Variants in TLE4 observed in about 807,000 individuals in gnomAD.
TLE4 encodes transducin-like enhancer protein 4.
Under a neutral mutation model 92.8 loss-of-function variants are expected in TLE4, and 8 were observed. That is an observed-to-expected ratio of 0.09 (90% CI 0.05 to 0.16). The LOEUF is 0.16. Ranked by LOEUF, TLE4 falls within the 10% of genes least tolerant of loss-of-function variation. The pLI, the probability that TLE4 is intolerant of heterozygous loss-of-function variation, is 1.00. For missense variants in TLE4, 675 were observed against 997.6 expected (o/e 0.68, Z 4.36); for synonymous variants, 371 against 374.1 (o/e 0.99, Z 0.10).
intron 19 of TLE4, 95 bp downstream of exon 19, chr9:79,723,130 G>A: frequency 8.6e-7 from 1 of 1,165,132 alleles, no homozygotes; most frequent in South Asian, 1.3e-5. Flanking sequence ...GTCCTGGGAG[G>A]TCAGAGCTAG....
intron 1 of TLE4, 95 bp from the exon 2 acceptor site, chr9:79,573,594 C>T (rs1459064382): frequency 7.6e-6 from 8 of 1,059,580 alleles, no homozygotes; most frequent in Non-Finnish European, 9.4e-6. Context: ...GCGCGATGAC[C>T]CTCACCCCCC....
intron 14 of TLE4, among the ~76,000 whole-genome samples, chr9:79,716,200 A>G (rs76527933): frequency 6.6e-6 from 1 of 151,968 alleles, no homozygotes; most frequent in Admixed American, 6.5e-5. Flanking sequence ...CTTATATCCT[A>G]TATGCTCTCC....
chr9:79,592,182 C>CTT (rs879921317), intron 4 of TLE4, among the ~76,000 whole-genome samples: 72 of 123,748 alleles, frequency 5.8e-4, no homozygotes, highest in Middle Eastern at 4.0e-3. Flanking sequence ...TCTTCCTCTT[C>CTT]CTCTTCTTCT....
chr9:79,719,195 C>T (rs1357823020), intron 15 of TLE4, among the ~76,000 whole-genome samples: 1 of 152,114 alleles, frequency 6.6e-6, no homozygotes, highest in African/African-American at 2.4e-5. Context: ...ATTTCATTAA[C>T]TCTGCCTCCC....
chr9:79,665,888 C>A (rs1367298397), intron 8 of TLE4, among the ~76,000 whole-genome samples: 1 of 152,114 alleles, frequency 6.6e-6, no homozygotes, highest in Non-Finnish European at 1.5e-5. Context: ...TGCCAGCTTT[C>A]TAGTTGTTAC....
chr9:79,683,842 A>G (rs1405541725), intron 8 of TLE4, among the ~76,000 whole-genome samples: 6 of 152,212 alleles, frequency 3.9e-5, no homozygotes, highest in Non-Finnish European at 7.4e-5. Context: ...CAGTAATAAT[A>G]CTATCCAAAT....
At chr9:79,717,973 G>T in intron 14 of TLE4, 1 of 456,534 alleles carries the variant, frequency 2.2e-6, no homozygotes, top group South Asian at 1.5e-5. Flanking sequence ...TGGGGGAGAC[G>T]CTCTTACTTA....
Position 79,576,130 on chromosome 9 carries a change from C to A in TLE4, c.208-3C>A. The A allele has an allele frequency of 6.8e-7, 1 of 1,474,842 alleles. No individual in the cohort carries two copies. Among genetic ancestry groups the A allele is most frequent in the Non-Finnish European group, 9.1e-7 (1 of 1,102,122 alleles). The allele number at this position is 1,474,842 out of a possible 1,614,324, so 91.4% of individuals were successfully genotyped here. The stretch of plus-strand genomic sequence containing the variant: ...CATTTAATTGCTTTTCCTTCTTTGA[C>A]AGTATTATGAAATGTCCTATGGGTT... On this transcript the variant is annotated splice_region_variant and splice_polypyrimidine_tract_variant and intron_variant, in intron 3 of 19. Coordinates refer to ENST00000376552, the MANE Select transcript of TLE4 (RefSeq NM_007005.6).
chr9:79,635,082 A>G lies in TLE4; in HGVS notation c.390+7634A>G, dbSNP rs139868390. 3.7e-4 allele frequency among the ~76,000 whole-genome samples: 57 copies of G among 152,280 alleles called. 1 individual carries two copies. The highest frequency in any genetic ancestry group is 3.1e-4 in the Non-Finnish European group (21 of 68,018). On this transcript the variant is annotated intron_variant, in intron 6 of 19. Transcript: ENST00000376552. ...AGTGATTCTACTATTTTGCAGTTTC[A>G]CTAATATATTACATGTAAGAAAACC...
Position 79,649,816 on chromosome 9 carries a change from G to A in TLE4, c.391-2777G>A, listed in dbSNP as rs768138998. On this transcript the variant is annotated intron_variant, in intron 6 of 19. Transcript: ENST00000376552. ...TGAGTCGGTGCTTATTTTTTATCCT[G>A]TAGGAGAAAAAGAATAAAAGTGACA... The A allele has an allele frequency of 3.7e-6, 5 of 1,365,372 alleles. No individual in the cohort carries two copies. The African/African-American group carries it at 7.4e-5, about 20-fold the overall frequency. 84.6% of individuals were successfully genotyped at this position (1,365,372 alleles called of 1,614,324 possible). A position where few individuals can be genotyped will look rare whatever the true frequency, so the allele number is the denominator to read the frequency against.
At chr9:79,634,664 C>T (rs1316587813) in intron 6 of TLE4, among the ~76,000 whole-genome samples, 1 of 152,090 alleles carries the variant, frequency 6.6e-6, no homozygotes, top group Non-Finnish European at 1.5e-5. Flanking sequence ...TTTTTTCTAT[C>T]CCAGCCCCCG....
At position 79,703,297 on chromosome 9, in the gene TLE4, G is replaced by A. The variant is rs11138339; in HGVS notation, c.610-1486G>A. ...CATTCACACTTGGGAGCCCTGCCCT[G>A]GTGCCCTGCCAAGGGACTGTGTTAC... is the stretch of plus-strand genomic sequence containing the variant. On this transcript the variant is annotated intron_variant, in intron 8 of 19. Transcript: ENST00000376552. Among the ~76,000 whole-genome samples, 114 of 152,224 alleles carry A rather than the reference G, an allele frequency of 7.5e-4. 1 individual carries two copies. The East Asian group carries it at 0.018, about 24-fold the overall frequency.
intron 8 of TLE4, among the ~76,000 whole-genome samples, chr9:79,703,930 C>T (rs377215559): frequency 6.6e-6 from 1 of 151,902 alleles, no homozygotes; most frequent in Admixed American, 6.6e-5. Flanking sequence ...AATTACTTTC[C>T]CCCCTTTTTT....
chr9:79,641,282 AC>A (rs1374448977), intron 6 of TLE4, among the ~76,000 whole-genome samples: 2 of 152,136 alleles, frequency 1.3e-5, no homozygotes, highest in African/African-American at 4.8e-5. Flanking sequence ...AAATGAGAAG[AC>A]AAGCCAGAAA....
At chr9:79,715,205 AT>A (rs1451759309) in intron 14 of TLE4, among the ~76,000 whole-genome samples, 1 of 152,202 alleles carries the variant, frequency 6.6e-6, no homozygotes, top group Admixed American at 6.5e-5. Flanking sequence ...TTTAATAACC[AT>A]TTAGTGATTC....
Position 79,627,382 on chromosome 9 carries a change from A to G in TLE4, c.324A>G (p.Gln108=). 6.2e-7 allele frequency: 1 copy of G among 1,614,172 alleles called. No homozygotes were observed. The highest frequency in any genetic ancestry group is 1.3e-5 in the African/African-American group (1 of 75,054). Residue 108 remains glutamine (Q), a synonymous_variant, in exon 6 of 20, where the codon CAA becomes CAG. Coordinates refer to ENST00000376552, the MANE Select transcript of TLE4 (RefSeq NM_007005.6). ...CTGATCTTCATTTATAGCACCAGCA[A>G]CAAGTGGTGCAGGCTGTGGAACGGG... ...VIPFLSQEHQ[Q]QVVQAVERAK...
intron 8 of TLE4, among the ~76,000 whole-genome samples, chr9:79,676,679 C>G (rs1248187233): frequency 6.6e-6 from 1 of 152,044 alleles, no homozygotes; most frequent in East Asian, 1.9e-4. Flanking sequence ...TCAGGGGAGG[C>G]GTGGCCATCG....
rs1221009136 is a variant in TLE4 at position 79,726,409 on chromosome 9, A to G, written c.*1265A>G. 2.0e-5 allele frequency: 3 copies of G among 152,662 alleles called. No homozygotes were observed. The highest frequency in any genetic ancestry group is 2.9e-5 in the Non-Finnish European group (2 of 68,048). 9.5% of individuals were successfully genotyped at this position (152,662 alleles called of 1,614,324 possible). A position where few individuals can be genotyped will look rare whatever the true frequency, so the allele number is the denominator to read the frequency against. ...GCTGATGTACAGTGCCTTTGCTGCT[A>G]TGGATCAAAATCAAAAGAACCGTGT... On this transcript the variant is annotated 3_prime_UTR_variant, in exon 20 of 20. Transcript: ENST00000376552.
chr9:79,596,184 A>T (rs1305549943), intron 4 of TLE4, among the ~76,000 whole-genome samples: 2 of 152,104 alleles, frequency 1.3e-5, no homozygotes, highest in African/African-American at 4.8e-5. Flanking sequence ...ATACCTCTGT[A>T]AGTCACAAAG....
Sources: gnomAD v4.1 joint callset for allele counts (sites outside exome capture counted in the v4.1 genomes callset) on GRCh38, gnomAD v4.1.1 for gene constraint, MANE v1.5 for transcripts, NCBI Gene and HGNC (gene_info 2026-07-23, HGNC 2026-07-21) for gene names.